The following PCLO variants were observed in gnomAD, a reference collection of about 807,000 sequenced individuals.
The protein encoded by PCLO is protein piccolo.
A neutral mutation model predicts 427.5 loss-of-function variants in PCLO; 82 were observed. The observed-to-expected ratio is 0.19, with a 90% CI of 0.16 to 0.23. PCLO has a LOEUF of 0.23. PCLO is among the 10% of genes least tolerant of loss of function. The pLI, the probability that PCLO is intolerant of heterozygous loss-of-function variation, is 1.00. For synonymous variants in PCLO, 2,357 were observed against 2,155.4 expected, an observed-to-expected ratio of 1.09 and a Z score of -2.59; for missense variants, 6,239 against 6,115.9, an observed-to-expected ratio of 1.02 and a Z score of -0.67.
chr7:82,997,665 C>T (rs1290537495), intron 3 of PCLO, among the ~76,000 whole-genome samples: 1 of 151,938 alleles, frequency 6.6e-6, no homozygotes, highest in African/African-American at 2.4e-5. Context: ...AGATGCCTCA[C>T]CCTCGTATCA....
In PCLO at chr7:82,966,038, T is replaced by C. The variant is rs1795762085; in HGVS notation, c.3750A>G (p.Pro1250=). 3 of 1,613,424 alleles carry C rather than the reference T, an allele frequency of 1.9e-6. No individual in the cohort carries two copies. Among genetic ancestry groups the C allele is most frequent in the African/African-American group, 2.7e-5 (2 of 74,818 alleles). The part of the protein sequence containing the change: ...KPTPEDKKLL[P]EAKTSAPEEQ... ...CTTCTGGGGCTGATGTTTTTGCCTC[T>C]GGGAGTAGCTTTTTGTCTTCAGGGG... Residue 1250 remains proline (P), a synonymous_variant, in exon 4 of 25, where the codon CCA becomes CCG. Transcript: ENST00000333891.
intron 3 of PCLO, among the ~76,000 whole-genome samples, chr7:83,042,794 G>A (rs570779688): frequency 3.9e-5 from 6 of 152,206 alleles, no homozygotes; most frequent in East Asian, 3.9e-4. Context: ...CCCGGGAGGC[G>A]GAGGTTGCAG....
chr7:82,824,226 T>C lies in PCLO; in HGVS notation c.14596+10A>G, dbSNP rs373317266. On this transcript the variant is annotated intron_variant, in intron 19 of 24. Transcript: ENST00000333891. The stretch of plus-strand genomic sequence containing the variant: ...ACAAAACTTTTTCTACTTAAAAAAA[T>C]ATTTCCTACCCTTTGATGGGTCAGG... 485 of 1,578,688 alleles carry C rather than the reference T, an allele frequency of 3.1e-4. 2 individuals are homozygous for C. In the African/African-American group the frequency reaches 5.7e-3, roughly 19 times the overall value.
In PCLO at chr7:83,134,271, G is replaced by T. The variant is rs780725550; in HGVS notation, c.3279C>A (p.Asn1093Lys). The T allele has an allele frequency of 2.9e-5, 44 of 1,517,680 alleles. No individual in the cohort carries two copies. The South Asian group carries it at 5.3e-4, about 18-fold the overall frequency. The allele number at this position is 1,517,680 out of a possible 1,614,324, so 94.0% of individuals were successfully genotyped here. The change falls in exon 3 of 25, where the codon AAC becomes AAA. Residue 1093 changes from asparagine to lysine, a missense_variant. Physicochemically the swap from Asn to Lys is moderately conservative, Grantham distance 94. Transcript: ENST00000333891. ...TTACCTCAGTCAAATGTGGTGTAGG[G>T]TTAAATCCACAGAGATTACACACTT... is the stretch of plus-strand genomic sequence containing the variant. Reference protein sequence around the residue: ...KNQVCNLCGFNPTPHLTEIQE... With the variant: ...KNQVCNLCGFKPTPHLTEIQE...
intron 22 of PCLO, among the ~76,000 whole-genome samples, chr7:82,789,548 A>G (rs1019819937): frequency 6.6e-6 from 1 of 152,130 alleles, no homozygotes; most frequent in African/African-American, 2.4e-5. Context: ...TCTACTAAAA[A>G]TACAAAAGTT....
Position 83,155,639 on chromosome 7 carries a change from C to T in PCLO, c.1002G>A (p.Gln334=). 6.2e-7 allele frequency: 1 copy of T among 1,603,772 alleles called. No individual in the cohort carries two copies. Among genetic ancestry groups the T allele is most frequent in the Non-Finnish European group, 8.5e-7 (1 of 1,176,712 alleles). The change falls in exon 2 of 25, where the codon CAG becomes CAA. Residue 334 remains glutamine (Q), a synonymous_variant. Coordinates refer to ENST00000333891, the MANE Select transcript of PCLO (RefSeq NM_033026.6). ...CCAATGGCTTTGTTAGCCCTGAGGG[C>T]TGAGCTGGGGGCTTTGCAGGCCCAG... ...SQPGPAKPPA[Q]PSGLTKPLAQ...
chr7:82,806,570 G>A (rs1791462161), intron 20 of PCLO, among the ~76,000 whole-genome samples: 1 of 152,110 alleles, frequency 6.6e-6, no homozygotes, highest in Non-Finnish European at 1.5e-5. Context: ...AAGAAATTTT[G>A]ATGCAAAAAG....
intron 10 of PCLO, among the ~76,000 whole-genome samples, chr7:82,859,081 G>T (rs368111989): frequency 1.3e-5 from 2 of 152,314 alleles, no homozygotes. Context: ...CAGCTCAGCT[G>T]CAATACAATA....
At chr7:83,161,721 T>A (rs529054807) in intron 1 of PCLO, among the ~76,000 whole-genome samples, 37 of 152,310 alleles carry the variant, frequency 2.4e-4, no homozygotes, top group Non-Finnish European at 4.7e-4. Context: ...AATTTAGAAA[T>A]ATATGTACAG....
chr7:82,966,314 T>C lies in PCLO; in HGVS notation c.3474A>G (p.Lys1158=), dbSNP rs766445423. The C allele has an allele frequency of 3.7e-6, 6 of 1,613,896 alleles. No homozygotes were observed. Among genetic ancestry groups the C allele is most frequent in the Non-Finnish European group, 5.1e-6 (6 of 1,179,868 alleles). Residue 1158 remains lysine, a synonymous_variant, in exon 4 of 25, where the codon AAA becomes AAG. Transcript: ENST00000333891. ...CCGTTTTTACTTCTTGTTCTTGCTT[T>C]TTCACTAATTTTACTTGGGGAGGCA... is the stretch of plus-strand genomic sequence containing the variant. ...TAVPPQVKLV[K]KQEQEVKTEA...
chr7:82,832,968 C>T (rs1053819472), intron 16 of PCLO, among the ~76,000 whole-genome samples: 5 of 152,138 alleles, frequency 3.3e-5, no homozygotes, highest in South Asian at 2.1e-4. Flanking sequence ...TTTTATTTTC[C>T]TCTTTGCTCT....
At chr7:82,892,149 A>C (rs1793782960) in intron 9 of PCLO, among the ~76,000 whole-genome samples, 1 of 152,182 alleles carries the variant, frequency 6.6e-6, no homozygotes, top group African/African-American at 2.4e-5. Flanking sequence ...ACAAAGCTGG[A>C]GGCATCACAC....
At chr7:82,857,139 C>G (rs1254171105) in intron 10 of PCLO, among the ~76,000 whole-genome samples, 1 of 152,118 alleles carries the variant, frequency 6.6e-6, no homozygotes, top group Non-Finnish European at 1.5e-5. Flanking sequence ...ATTACTCAGT[C>G]TCTGCTATTC....
At chr7:83,100,513 G>A (rs1206059495) in intron 3 of PCLO, among the ~76,000 whole-genome samples, 1 of 152,140 alleles carries the variant, frequency 6.6e-6, no homozygotes, top group Non-Finnish European at 1.5e-5. Context: ...TGGGATATGG[G>A]TGGAGCTGGA....
chr7:83,037,006 A>G (rs1788811717), intron 3 of PCLO, among the ~76,000 whole-genome samples: 1 of 152,134 alleles, frequency 6.6e-6, no homozygotes, highest in South Asian at 2.1e-4. Flanking sequence ...TTGACATTCA[A>G]CTTTCTGATG....
At chr7:82,959,811 T>C (rs561251916) in intron 4 of PCLO, among the ~76,000 whole-genome samples, 2 of 152,146 alleles carry the variant, frequency 1.3e-5, no homozygotes, top group Non-Finnish European at 2.9e-5. Flanking sequence ...CCTAAATAAC[T>C]TTTGCATATT....
intron 6 of PCLO, among the ~76,000 whole-genome samples, chr7:82,944,362 G>A (rs1795153518): frequency 2.0e-5 from 3 of 151,948 alleles, no homozygotes; most frequent in Admixed American, 1.3e-4. Flanking sequence ...CACCTATTAT[G>A]AGTCAGGTAT....
At chr7:83,000,993 T>A (rs1787809822) in intron 3 of PCLO, among the ~76,000 whole-genome samples, 1 of 152,058 alleles carries the variant, frequency 6.6e-6, no homozygotes, top group African/African-American at 2.4e-5. Flanking sequence ...CCAAACATTT[T>A]TAAATTAAAG....
At chr7:82,878,131 G>A (rs1793418968) in intron 10 of PCLO, among the ~76,000 whole-genome samples, 1 of 152,172 alleles carries the variant, frequency 6.6e-6, no homozygotes, top group African/African-American at 2.4e-5. Flanking sequence ...GCCAATTCAA[G>A]CTATCATCAT....
Sources: allele counts gnomAD v4.1 joint callset (sites outside exome capture counted in the v4.1 genomes callset), GRCh38; gene constraint gnomAD v4.1.1; transcripts MANE v1.5; gene names NCBI Gene and HGNC (gene_info 2026-07-23, HGNC 2026-07-21).